BLTP1: variants seen among roughly 807,000 people sequenced by gnomAD.
BLTP1 encodes the protein fragile site-associated protein.
the BLTP1 span, chr4:122,192,097 T>G: frequency 1.2e-6 from 1 of 823,414 alleles, no homozygotes; most frequent in Non-Finnish European, 1.8e-6. Context: ...AACAACCCCT[T>G]TTAGGTTCTC....
At chr4:122,328,751 A>G in the BLTP1 span, 2 of 983,828 alleles carry the variant, frequency 2.0e-6, no homozygotes, top group Non-Finnish European at 2.4e-6. Context: ...ATGGTTAGCA[A>G]TGGATGAAAG....
the BLTP1 span, chr4:122,346,292 T>C: frequency 1.9e-5 from 5 of 263,452 alleles, no homozygotes; most frequent in African/African-American, 6.9e-5. Context: ...AAAATTTGTA[T>C]ACCAGCTCAT....
At chr4:122,343,492 A>C in the BLTP1 span, 1 of 1,614,110 alleles carries the variant, frequency 6.2e-7, no homozygotes, top group East Asian at 2.2e-5. Flanking sequence ...GCAGTAGTTC[A>C]TCTGGCTTGA....
the BLTP1 span, chr4:122,344,330 G>A: frequency 6.5e-7 from 1 of 1,549,530 alleles, no homozygotes. Flanking sequence ...ACAGCTGTGT[G>A]TATATATGTA....
chr4:122,296,033 T>C, the BLTP1 span, among the ~76,000 whole-genome samples: 1 of 152,332 alleles, frequency 6.6e-6, no homozygotes, highest in East Asian at 1.9e-4. Flanking sequence ...AAGACAAGAA[T>C]GCCCTCTCTT....
chr4:122,347,428 A>G, the BLTP1 span: 1 of 1,459,470 alleles, frequency 6.9e-7, no homozygotes, highest in East Asian at 2.3e-5. Flanking sequence ...ATGTAATGTG[A>G]TTAGAAATGA....
the BLTP1 span, among the ~76,000 whole-genome samples, chr4:122,243,231 A>T: frequency 6.6e-6 from 1 of 152,246 alleles, no homozygotes; most frequent in African/African-American, 2.4e-5. Flanking sequence ...GGCTACATTT[A>T]TAAGTAGTCA....
chr4:122,181,203 T>C, the BLTP1 span: 2 of 747,462 alleles, frequency 2.7e-6, no homozygotes, highest in Admixed American at 1.3e-4. Flanking sequence ...CTAGGGAGTA[T>C]TTACAAACAT....
At chr4:122,330,163 G>A in the BLTP1 span, among the ~76,000 whole-genome samples, 2 of 151,754 alleles carry the variant, frequency 1.3e-5, no homozygotes, top group East Asian at 3.9e-4. Context: ...CATCTTGGCT[G>A]TTGTGAAAAA....
the BLTP1 span, chr4:122,206,959 A>T: frequency 1.7e-6 from 1 of 576,202 alleles, no homozygotes; most frequent in African/African-American, 2.0e-5. Flanking sequence ...ATTTAAATAC[A>T]TCCTAATCAC....
chr4:122,269,334 A>G, the BLTP1 span: 2 of 849,214 alleles, frequency 2.4e-6, no homozygotes, highest in African/African-American at 1.8e-5. Context: ...TAAAAACCAT[A>G]TAATACTACA....
the BLTP1 span, chr4:122,196,848 CAG>C: frequency 2.0e-6 from 2 of 1,018,828 alleles, no homozygotes; most frequent in African/African-American, 3.3e-5. Flanking sequence ...CATTATTTTT[CAG>C]AGTTTTTTCC....
the BLTP1 span, chr4:122,172,290 T>A: frequency 1.4e-6 from 1 of 708,590 alleles, no homozygotes; most frequent in East Asian, 1.3e-4. Flanking sequence ...AACTTTCTCA[T>A]AATTTAGAAG....
the BLTP1 span, chr4:122,262,836 C>T: frequency 3.3e-5 from 54 of 1,613,690 alleles, no homozygotes; most frequent in Middle Eastern, 3.3e-4. Context: ...GCATGTTGGA[C>T]GTGCTGGGAT....
chr4:122,344,135 G>A, the BLTP1 span: 18 of 411,262 alleles, frequency 4.4e-5, no homozygotes, highest in South Asian at 1.0e-3. Flanking sequence ...TATATTCCAC[G>A]TCAATTCTAG....
chr4:122,265,846 C>T, the BLTP1 span, among the ~76,000 whole-genome samples: 1 of 152,128 alleles, frequency 6.6e-6, no homozygotes, highest in Non-Finnish European at 1.5e-5. Flanking sequence ...TACAGGCACC[C>T]GCCACTATGC....
At chr4:122,312,327 C>T in the BLTP1 span, among the ~76,000 whole-genome samples, 2 of 152,178 alleles carry the variant, frequency 1.3e-5, no homozygotes, top group Admixed American at 1.3e-4. Context: ...TGAGCCACCA[C>T]ACCTAGCCTT....
At chr4:122,174,034 AT>A in the BLTP1 span, among the ~76,000 whole-genome samples, 2 of 152,144 alleles carry the variant, frequency 1.3e-5, no homozygotes, top group Admixed American at 1.3e-4. Flanking sequence ...AAAGTAGGAA[AT>A]TTGCAGGTAA....
chr4:122,228,608 T>G, the BLTP1 span, among the ~76,000 whole-genome samples: 2 of 152,206 alleles, frequency 1.3e-5, no homozygotes, highest in Admixed American at 1.3e-4. Context: ...TTTATTGATA[T>G]AGGTGATATA....
Sources: allele counts gnomAD v4.1 joint callset (sites outside exome capture counted in the v4.1 genomes callset), GRCh38; gene constraint gnomAD v4.1.1; transcripts MANE v1.5; gene names NCBI Gene and HGNC (gene_info 2026-07-23, HGNC 2026-07-21).